FANCA: variants seen among roughly 807,000 people sequenced by gnomAD.
FANCA encodes FA complementation group A.
FANCA carries 236 observed loss-of-function variants against 194.3 expected under a neutral mutation model. The observed-to-expected ratio is 1.21, with a 90% confidence interval of 1.09 to 1.35. The LOEUF (loss-of-function observed/expected upper bound fraction) is 1.35. FANCA is among the 40% of genes most tolerant of loss of function. The pLI is 0.00. For synonymous variants in FANCA, 1,014 were observed against 715.8 expected (o/e 1.42, Z -6.65); for missense variants, 2,628 against 1,813.9 (o/e 1.45, Z -8.15).
Position 89,752,322 on chromosome 16 carries a change from C to T in FANCA, c.2982-100G>A, listed in dbSNP as rs1001651436. The T allele has an allele frequency of 5.9e-5, 56 of 955,820 alleles. No individual in the cohort carries two copies. In the African/African-American group the frequency reaches 8.3e-4, roughly 14 times the overall value. 59.2% of individuals were successfully genotyped at this position (955,820 alleles called of 1,614,324 possible). ...CCGGAGCTGAGTGATGGCTGTGCTT[C>T]TCTGACAGTGTGACCCTCACATTAG... On this transcript the variant is annotated intron_variant, in intron 30 of 42. Transcript: ENST00000389301.
At chr16:89,795,837 A>T in intron 11 of FANCA, 69 bp downstream of exon 11, 1 of 1,146,484 alleles carries the variant, frequency 8.7e-7, no homozygotes, top group Non-Finnish European at 1.3e-6. Flanking sequence ...AGTCAGCGTT[A>T]CCAAGGCAAC....
At chr16:89,780,426 C>T (rs575264698) in intron 17 of FANCA, among the ~76,000 whole-genome samples, 12 of 152,148 alleles carry the variant, frequency 7.9e-5, no homozygotes, top group South Asian at 2.1e-4. Context: ...AGTTCAAGCC[C>T]GGCCTGGGCA....
rs569189621 is a variant in FANCA at position 89,796,032 on chromosome 16, A to G, written c.894-14T>C. 6.2e-7 allele frequency: 1 copy of G among 1,604,184 alleles called. No individual in the cohort carries two copies. Among genetic ancestry groups the G allele is most frequent in the Non-Finnish European group, 8.5e-7 (1 of 1,171,106 alleles). ...AACACTCCGAACCTGCCAATGCAGC[A>G]GAAAGAGGGGTCAGGAAAGGGAGGG... On this transcript the variant is annotated splice_polypyrimidine_tract_variant and intron_variant, in intron 10 of 42. Coordinates refer to ENST00000389301, the MANE Select transcript of FANCA (RefSeq NM_000135.4).
chr16:89,770,403 G>T, intron 24 of FANCA, 144 bp from the exon 25 acceptor site: 2 of 1,021,636 alleles, frequency 2.0e-6, no homozygotes, highest in Non-Finnish European at 3.0e-6. Context: ...CCCATCTTCT[G>T]CAGTGCTTCC....
At chr16:89,811,616 C>A (rs1043716861) in intron 3 of FANCA, among the ~76,000 whole-genome samples, 1 of 152,188 alleles carries the variant, frequency 6.6e-6, no homozygotes, top group Non-Finnish European at 1.5e-5. Context: ...CCACCATTCT[C>A]CTGAGCAACC....
chr16:89,796,227 C>T lies in FANCA; in HGVS notation c.894-209G>A, dbSNP rs140351998. The stretch of plus-strand genomic sequence containing the variant: ...GGGGGCAAGGCAACGGCGAAACCCA[C>T]GGAGCAGAGAAGCGAAGGAGCAGAA... On this transcript the variant is annotated intron_variant, in intron 10 of 42. Coordinates refer to ENST00000389301, the MANE Select transcript of FANCA (RefSeq NM_000135.4). 7.4e-4 allele frequency among the ~76,000 whole-genome samples: 112 copies of T among 152,204 alleles called. No individual in the cohort carries two copies. The East Asian group carries it at 0.017, about 23-fold the overall frequency.
Position 89,779,031 on chromosome 16 carries a change from T to G in FANCA, c.1716-28A>C, listed in dbSNP as rs2039613516. Reference sequence around the variant, plus strand: ...GCAACACAGAGAAGCAGACAGTGCATCAGTCAGAGCAGCGAGAAGGCAATT... The same window carrying G: ...GCAACACAGAGAAGCAGACAGTGCAGCAGTCAGAGCAGCGAGAAGGCAATT... On this transcript the variant is annotated intron_variant, in intron 18 of 42. Transcript: ENST00000389301. 1.9e-6 allele frequency: 3 copies of G among 1,610,466 alleles called. No homozygotes were observed. The African/African-American group carries it at 4.0e-5, about 22-fold the overall frequency.
rs1168168696 is a variant in FANCA at position 89,783,086 on chromosome 16, G to T, written c.1487C>A (p.Pro496Gln). 3 of 1,613,554 alleles carry T rather than the reference G, an allele frequency of 1.9e-6. No individual in the cohort carries two copies. The highest frequency in any genetic ancestry group is 2.5e-6 in the Non-Finnish European group (3 of 1,179,598). Residue 496 changes from proline (P) to glutamine (Q), a missense_variant, in exon 16 of 43, where the codon CCA (proline) becomes CAA (glutamine). Pro to Gln is a moderately conservative substitution (Grantham distance 76, BLOSUM62 -1). Transcript: ENST00000389301. Reference sequence around the variant, plus strand: ...GCGGTACTTGCCGGGAACCAGGGGTGGGTGGAGAATGTGCACCTGAGGATA... The same window carrying T: ...GCGGTACTTGCCGGGAACCAGGGGTTGGTGGAGAATGTGCACCTGAGGATA... The part of the protein sequence containing the change: ...PRYLQVHILH[P>Q]PLVPGKYRSL...
At chr16:89,739,818 G>A (rs1409808179) in intron 39 of FANCA, 176 bp downstream of exon 39, 2 of 1,467,508 alleles carry the variant, frequency 1.4e-6, no homozygotes, top group Non-Finnish European at 1.8e-6. Flanking sequence ...TGACCAGTGA[G>A]CCAGTAAATT....
rs1266378677 is a variant in FANCA, at chr16:89,805,266, T to G, written c.709+14A>C. On this transcript the variant is annotated intron_variant, in intron 7 of 42. Coordinates refer to ENST00000389301, the MANE Select transcript of FANCA (RefSeq NM_000135.4). ...GAGTTTTACCCAAGAACCCGCATCTTGTCATGAACGCACCAGAAAGCATGG... is the reference window on the plus strand; with the variant it reads ...GAGTTTTACCCAAGAACCCGCATCTGGTCATGAACGCACCAGAAAGCATGG... 1.2e-6 allele frequency: 2 copies of G among 1,603,668 alleles called. No individual in the cohort carries two copies. Among genetic ancestry groups the G allele is most frequent in the African/African-American group, 2.7e-5 (2 of 74,718 alleles).
At chr16:89,813,303 G>C (rs2143701865) in intron 3 of FANCA, among the ~76,000 whole-genome samples, 1 of 151,744 alleles carries the variant, frequency 6.6e-6, no homozygotes, top group Non-Finnish European at 1.5e-5. Flanking sequence ...AGCTACTCAA[G>C]ATGCTGGGGT....
intron 8 of FANCA, among the ~76,000 whole-genome samples, chr16:89,801,271 G>T (rs2040441687): frequency 6.7e-6 from 1 of 149,090 alleles, no homozygotes; most frequent in South Asian, 2.1e-4. Flanking sequence ...GTGAACCCCG[G>T]AGGCGGAGCT....
intron 20 of FANCA, chr16:89,778,575 C>A: frequency 1.9e-6 from 1 of 513,030 alleles, no homozygotes; most frequent in Non-Finnish European, 3.4e-6. Context: ...TTGCAGTGAG[C>A]CAAGATCTCG....
intron 17 of FANCA, among the ~76,000 whole-genome samples, chr16:89,782,024 T>C (rs987948430): frequency 6.6e-6 from 1 of 151,172 alleles, no homozygotes; most frequent in Non-Finnish European, 1.5e-5. Context: ...AAAAAGAATG[T>C]TTTCATTAGT....
chr16:89,788,136 G>C (rs2039957063), intron 14 of FANCA, among the ~76,000 whole-genome samples: 1 of 152,166 alleles, frequency 6.6e-6, no homozygotes. Flanking sequence ...TCCTCCCACA[G>C]TGCTGGTATT....
chr16:89,771,351 C>T (rs750392814), intron 23 of FANCA, among the ~76,000 whole-genome samples: 2 of 151,428 alleles, frequency 1.3e-5, no homozygotes, highest in African/African-American at 4.9e-5. Context: ...CCCAGCTACT[C>T]GGGAGGCTGA....
intron 25 of FANCA, 46 bp downstream of exon 25, chr16:89,770,120 C>A: frequency 6.4e-7 from 1 of 1,572,056 alleles, no homozygotes; most frequent in East Asian, 2.3e-5. Flanking sequence ...CAGCCTGGCC[C>A]TCAGAGTGGG....
At chr16:89,812,022 C>T (rs530977167) in intron 3 of FANCA, among the ~76,000 whole-genome samples, 63 of 150,880 alleles carry the variant, frequency 4.2e-4, no homozygotes, top group African/African-American at 1.3e-3. Context: ...TGAGCCACCA[C>T]GTGAGCCAAA....
intron 22 of FANCA, among the ~76,000 whole-genome samples, chr16:89,772,233 A>C (rs2039350868): frequency 6.6e-6 from 1 of 152,246 alleles, no homozygotes. Context: ...TTTTAGAAAC[A>C]GGACTCACCT....
Sources: gnomAD v4.1 joint callset for allele counts (sites outside exome capture counted in the v4.1 genomes callset) on GRCh38, gnomAD v4.1.1 for gene constraint, MANE v1.5 for transcripts, NCBI Gene and HGNC (gene_info 2026-07-23, HGNC 2026-07-21) for gene names.